Variants in SH3GL3 observed in about 807,000 individuals in gnomAD.
The protein encoded by SH3GL3 is endophilin-A3.
SH3GL3 carries 33 observed loss-of-function variants against 47.7 expected under a neutral mutation model. The observed-to-expected ratio is 0.69, with a 90% CI of 0.52 to 0.92. The LOEUF is 0.92. Ranked by LOEUF, SH3GL3 falls within the 40% of genes least tolerant of loss-of-function variation. The pLI, the probability that SH3GL3 is intolerant of heterozygous loss-of-function variation, is 0.00. For synonymous variants in SH3GL3, 155 were observed against 148.8 expected (o/e 1.04, Z -0.30); for missense variants, 363 against 417.8 (o/e 0.87, Z 1.14).
At position 83,618,109 on chromosome 15, in the gene SH3GL3, G is replaced by A; in HGVS notation, c.866G>A (p.Cys289Tyr). ...TCTAACATTCCCATGGACCAGCCCT[G>A]CTGTCGTGGTCTCTATGACTTTGAG... ...TGSNIPMDQPCCRGLYDFEPE... is the reference protein window; with the variant it reads ...TGSNIPMDQPYCRGLYDFEPE... Residue 289 changes from cysteine to tyrosine, a missense_variant, in exon 9 of 9, where the codon TGC becomes TAC. Coordinates refer to ENST00000427482, the MANE Select transcript of SH3GL3 (RefSeq NM_003027.5). 11 of 1,613,622 alleles carry A rather than the reference G, an allele frequency of 6.8e-6. No homozygotes were observed. The highest frequency in any genetic ancestry group is 9.3e-6 in the Non-Finnish European group (11 of 1,179,482).
chr15:83,603,200 A>T (rs910708512), intron 8 of SH3GL3, among the ~76,000 whole-genome samples: 6 of 151,996 alleles, frequency 3.9e-5, no homozygotes, highest in African/African-American at 1.5e-4. Flanking sequence ...GGGCTTCACC[A>T]TGTTGGCCAG....
At chr15:83,495,505 T>G (rs2042043151) in intron 1 of SH3GL3, among the ~76,000 whole-genome samples, 2 of 151,918 alleles carry the variant, frequency 1.3e-5, no homozygotes, top group African/African-American at 4.8e-5. Context: ...GAGGCTGAGG[T>G]GGGTGAATCA....
intron 1 of SH3GL3, among the ~76,000 whole-genome samples, chr15:83,482,563 G>A (rs1410452117): frequency 1.3e-5 from 2 of 151,196 alleles, no homozygotes; most frequent in East Asian, 1.9e-4. Flanking sequence ...GCGTGATCTC[G>A]GCTCACTGCA....
At chr15:83,560,663 T>G (rs2045220388) in intron 2 of SH3GL3, among the ~76,000 whole-genome samples, 1 of 152,202 alleles carries the variant, frequency 6.6e-6, no homozygotes. Flanking sequence ...GTCTATTATC[T>G]GTTTTATTAC....
chr15:83,578,800 T>C (rs1174204257), intron 6 of SH3GL3, among the ~76,000 whole-genome samples: 1 of 152,182 alleles, frequency 6.6e-6, no homozygotes, highest in Admixed American at 6.5e-5. Context: ...ATTGCCGTAT[T>C]GTTTTGAAGT....
rs555158156 is a variant in SH3GL3 at position 83,510,511 on chromosome 15, A to G, written c.46-48742A>G. On this transcript the variant is annotated intron_variant, in intron 1 of 8. Transcript: ENST00000427482. ...TGTTTGCCACAGACATTGCCTGTCA[A>G]TGAATTGCTTTAGCAAAATTCTATA... Among the ~76,000 whole-genome samples, 23 of 152,344 alleles carry G rather than the reference A, an allele frequency of 1.5e-4. No homozygotes were observed. In the Middle Eastern group the frequency reaches 0.017, roughly 113 times the overall value.
intron 1 of SH3GL3, among the ~76,000 whole-genome samples, chr15:83,492,728 C>G (rs1178792394): frequency 6.6e-6 from 1 of 152,220 alleles, no homozygotes; most frequent in Non-Finnish European, 1.5e-5. Context: ...CCCTCTATCC[C>G]CCAGGGTTGG....
intron 8 of SH3GL3, among the ~76,000 whole-genome samples, chr15:83,592,768 A>G (rs1408602669): frequency 6.6e-6 from 1 of 152,088 alleles, no homozygotes; most frequent in African/African-American, 2.4e-5. Context: ...TCTCTCCAAC[A>G]TTTTTCTAAA....
At chr15:83,461,273 CAT>C (rs1384340457) in intron 1 of SH3GL3, among the ~76,000 whole-genome samples, 3 of 152,112 alleles carry the variant, frequency 2.0e-5, no homozygotes, top group Non-Finnish European at 4.4e-5. Flanking sequence ...GCCTTGAATA[CAT>C]GTTTCTGATA....
At chr15:83,578,655 T>C (rs955658392) in intron 6 of SH3GL3, among the ~76,000 whole-genome samples, 1 of 63,610 alleles carries the variant, frequency 1.6e-5, no homozygotes, top group Non-Finnish European at 4.8e-5. Context: ...TTTCTTCTTT[T>C]AATTTTTTTT....
At chr15:83,576,795 T>A (rs762229938) in intron 6 of SH3GL3, 54 bp downstream of exon 6, 1 of 1,258,692 alleles carries the variant, frequency 7.9e-7, no homozygotes, top group South Asian at 1.4e-5. Context: ...AAACATTGAA[T>A]ATATGACTAT....
At chr15:83,469,080 T>C (rs2040714807) in intron 1 of SH3GL3, among the ~76,000 whole-genome samples, 1 of 152,124 alleles carries the variant, frequency 6.6e-6, no homozygotes, top group Non-Finnish European at 1.5e-5. Context: ...TTCAAGGAAT[T>C]GGTTCATTTC....
At chr15:83,506,283 T>C (rs1596132635) in intron 1 of SH3GL3, among the ~76,000 whole-genome samples, 1 of 152,362 alleles carries the variant, frequency 6.6e-6, no homozygotes, top group East Asian at 1.9e-4. Context: ...TATAACATTT[T>C]TTTTCCCTGA....
chr15:83,612,754 C>A (rs2060702657), intron 8 of SH3GL3, among the ~76,000 whole-genome samples: 1 of 152,164 alleles, frequency 6.6e-6, no homozygotes, highest in African/African-American at 2.4e-5. Flanking sequence ...TGTATCTCTT[C>A]TCTGGATGGC....
At chr15:83,560,407 T>G (rs186618616) in intron 2 of SH3GL3, among the ~76,000 whole-genome samples, 2 of 152,332 alleles carry the variant, frequency 1.3e-5, no homozygotes, top group East Asian at 3.9e-4. Flanking sequence ...GAAAGAAAAC[T>G]TAATTTCTGA....
chr15:83,527,085 T>G (rs890439620), intron 1 of SH3GL3, among the ~76,000 whole-genome samples: 9 of 152,202 alleles, frequency 5.9e-5, no homozygotes, highest in Non-Finnish European at 1.3e-4. Flanking sequence ...GTACTGAATT[T>G]ATCAGATCTT....
chr15:83,478,598 A>C (rs979275952), intron 1 of SH3GL3, among the ~76,000 whole-genome samples: 1 of 152,136 alleles, frequency 6.6e-6, no homozygotes, highest in Non-Finnish European at 1.5e-5. Context: ...AATTAATGGG[A>C]GCTTTAGTAT....
At chr15:83,529,470 C>T (rs1179190755) in intron 1 of SH3GL3, among the ~76,000 whole-genome samples, 2 of 152,034 alleles carry the variant, frequency 1.3e-5, no homozygotes, top group African/African-American at 2.4e-5. Flanking sequence ...GGTGGCCCCT[C>T]CTCAGGTCCC....
In SH3GL3 at chr15:83,598,822, T is replaced by C. The variant is rs76995511; in HGVS notation, c.838+10051T>C. 7.7e-3 allele frequency among the ~76,000 whole-genome samples: 1,179 copies of C among 152,368 alleles called. 12 individuals are homozygous for C. The highest frequency in any genetic ancestry group is 0.012 in the Non-Finnish European group (842 of 68,040). On this transcript the variant is annotated intron_variant, in intron 8 of 8. Coordinates refer to ENST00000427482, the MANE Select transcript of SH3GL3 (RefSeq NM_003027.5). ...AAAGTCATTTACAGACTACAGAATGTATCTTTTGGATGTAATAAAATTGTC... is the reference window on the plus strand; with the variant it reads ...AAAGTCATTTACAGACTACAGAATGCATCTTTTGGATGTAATAAAATTGTC...
Sources: allele counts gnomAD v4.1 joint callset (sites outside exome capture counted in the v4.1 genomes callset), GRCh38; gene constraint gnomAD v4.1.1; transcripts MANE v1.5; gene names NCBI Gene and HGNC (gene_info 2026-07-23, HGNC 2026-07-21).